Variants in HEATR5B observed in about 807,000 individuals in gnomAD.
HEATR5B encodes HEAT repeat containing 5B, also known as HEAT repeat-containing protein 5B.
A neutral mutation model predicts 224.1 loss-of-function variants in HEATR5B; 156 were observed. The ratio of observed to expected loss-of-function variants is 0.70; its 90% confidence interval spans 0.61 to 0.80. The LOEUF (loss-of-function observed/expected upper bound fraction) is 0.80, where lower values mean the gene tolerates loss of function less well. Ranked by LOEUF, HEATR5B falls within the 30% of genes least tolerant of loss-of-function variation. The pLI is 0.00. For missense variants in HEATR5B, 2,323 were observed against 2,535.5 expected, an observed-to-expected ratio of 0.92 and a Z score of 1.80; for synonymous variants, 1,027 against 893.0, an observed-to-expected ratio of 1.15 and a Z score of -2.68.
chr2:37,048,463 G>A (rs1670338819), intron 18 of HEATR5B, among the ~76,000 whole-genome samples: 1 of 151,778 alleles, frequency 6.6e-6, no homozygotes, highest in South Asian at 2.1e-4. Context: ...GGGATTATAG[G>A]CAAAAGATAA....
At chr2:37,048,700 A>T (rs1670352043) in intron 18 of HEATR5B, among the ~76,000 whole-genome samples, 2 of 152,210 alleles carry the variant, frequency 1.3e-5, no homozygotes, top group African/African-American at 4.8e-5. Flanking sequence ...ATCTATTGCT[A>T]GAAAATAGCA....
intron 22 of HEATR5B, among the ~76,000 whole-genome samples, chr2:37,030,158 G>A (rs1338950763): frequency 6.6e-6 from 1 of 152,012 alleles, no homozygotes; most frequent in Non-Finnish European, 1.5e-5. Context: ...AACCCTGAAG[G>A]GAGTAAGACA....
intron 2 of HEATR5B, among the ~76,000 whole-genome samples, chr2:37,081,224 T>C (rs76849924): frequency 0.011 from 1,714 of 152,276 alleles, 26 homozygotes; most frequent in African/African-American, 0.039. Flanking sequence ...AATCCATGCA[T>C]TGTTTTTTTT....
rs1164142473 is a variant in HEATR5B, at chr2:37,075,595, C to G, written c.487G>C (p.Val163Leu). The G allele has an allele frequency of 6.2e-7, 1 of 1,613,760 alleles. No individual in the cohort carries two copies. The highest frequency in any genetic ancestry group is 1.7e-5 in the Admixed American group (1 of 59,986). The change falls in exon 5 of 36, where the codon GTT (valine) becomes CTT (leucine). Residue 163 changes from valine to leucine, a missense_variant. Coordinates refer to ENST00000233099, the MANE Select transcript of HEATR5B (RefSeq NM_019024.3). ...RSEILMSLQK[V>L]LSGLGGAAAS... ...GCTGCACCACCCAGTCCACTTAGAACTTTCTGTAGACTCATTAAGATTTCA... is the reference window on the plus strand; with the variant it reads ...GCTGCACCACCCAGTCCACTTAGAAGTTTCTGTAGACTCATTAAGATTTCA...
rs751253602 is a variant in HEATR5B at position 37,005,708 on chromosome 2, T to C, written c.4829A>G (p.His1610Arg). The change falls in exon 30 of 36, where the codon CAT (histidine) becomes CGT (arginine). Residue 1610 changes from histidine to arginine, a missense_variant. Physicochemically the swap from His to Arg is conservative, Grantham distance 29. This residue lies in a region of HEATR5B where 844 missense variants were observed against 812.9 expected (regional missense o/e 1.04). Coordinates refer to ENST00000233099, the MANE Select transcript of HEATR5B (RefSeq NM_019024.3). Reference sequence around the variant, plus strand: ...TAAGGCCTGCAGGCATGCTGTAACATGTTCAATGGGCTCCTCAGGTCTAGG... The same window carrying C: ...TAAGGCCTGCAGGCATGCTGTAACACGTTCAATGGGCTCCTCAGGTCTAGG... The part of the protein sequence containing the change: ...CSPRPEEPIE[H>R]VTACLQALHT... The C allele has an allele frequency of 2.5e-6, 4 of 1,611,414 alleles. No individual in the cohort carries two copies. In the Admixed American group the frequency reaches 5.0e-5, roughly 20 times the overall value.
chr2:37,002,640 T>G (rs1667167935), intron 31 of HEATR5B, 68 bp from the exon 32 acceptor site: 1 of 1,492,176 alleles, frequency 6.7e-7, no homozygotes, highest in South Asian at 1.2e-5. Context: ...ACAAGTATAT[T>G]TAGGAAATTC....
intron 21 of HEATR5B, among the ~76,000 whole-genome samples, chr2:37,035,720 A>G (rs1180216423): frequency 6.6e-6 from 1 of 152,134 alleles, no homozygotes; most frequent in Non-Finnish European, 1.5e-5. Flanking sequence ...GGGTTCCTCA[A>G]TCATGACTCT....
chr2:37,083,218 G>A (rs1016647831), intron 2 of HEATR5B, 71 bp downstream of exon 2: 2 of 1,558,882 alleles, frequency 1.3e-6, no homozygotes, highest in African/African-American at 1.4e-5. Context: ...CATAACATGT[G>A]TTTTCTTAAG....
rs144061449 is a variant in HEATR5B at position 37,020,730 on chromosome 2, G to C, written c.3960C>G (p.Asp1320Glu). The change falls in exon 25 of 36, where the codon GAC becomes GAG. Residue 1320 changes from aspartate (D) to glutamate (E), a missense_variant. By Grantham distance (45) the Asp-to-Glu change is conservative. Transcript: ENST00000233099. ...GCACAGACGCAAACTTCTTGATAAT[G>C]TCTTCAAGCGCCTGGAGCCCAGCCA... ...LRMAGLQALE[D>E]IIKKFASVPE... 6.2e-6 allele frequency: 10 copies of C among 1,609,534 alleles called. No homozygotes were observed. In the African/African-American group the frequency reaches 1.3e-4, roughly 22 times the overall value.
At chr2:37,076,442 A>C (rs1672236289) in intron 4 of HEATR5B, among the ~76,000 whole-genome samples, 1 of 152,226 alleles carries the variant, frequency 6.6e-6, no homozygotes, top group African/African-American at 2.4e-5. Context: ...GGAAGATCAA[A>C]GATTTCCAGC....
In HEATR5B at chr2:37,002,393, T is replaced by A. The variant is rs757793625; in HGVS notation, c.5230A>T (p.Lys1744Ter). ...VSDSPSHIAT[K>*]TRLSEESARL... is the part of the protein sequence containing the mutation. ...GCACTTTCTTCTGATAGTCGAGTTT[T>A]AGTGGCTATGTGACTTGGAGAGTCT... The change falls in exon 32 of 36, where the codon AAA (lysine) becomes TAA (stop). Residue 1744 changes from lysine to a stop codon, truncating the protein, a stop_gained. Transcript: ENST00000233099. LOFTEE classifies it high-confidence loss of function. 1.1e-5 allele frequency: 17 copies of A among 1,614,224 alleles called. No homozygotes were observed. Among genetic ancestry groups the A allele is most frequent in the Non-Finnish European group, 1.4e-5 (17 of 1,180,046 alleles).
rs781266704 is a variant in HEATR5B, at chr2:37,060,598, C to T, written c.1832G>A (p.Arg611His). The T allele has an allele frequency of 3.1e-6, 5 of 1,613,552 alleles. No individual in the cohort carries two copies. The highest frequency in any genetic ancestry group is 2.2e-5 in the South Asian group (2 of 91,042). ...GTTCTTACCACATAGAGCTCCAGCA[C>T]GACCTTCCAAAGTTACCTGCCAGGT... is the stretch of plus-strand genomic sequence containing the variant. ...SFTWQVTLEG[R>H]AGALCAMRSF... Residue 611 changes from arginine to histidine, a missense_variant, in exon 12 of 36, where the codon CGT becomes CAT. Transcript: ENST00000233099.
Position 37,003,594 on chromosome 2 carries a change from T to C in HEATR5B, c.4998A>G (p.Gln1666=), listed in dbSNP as rs1667229923. 1 of 1,612,544 alleles carries C rather than the reference T, an allele frequency of 6.2e-7. No homozygotes were observed. The highest frequency in any genetic ancestry group is 8.5e-7 in the Non-Finnish European group (1 of 1,178,714). ...SVQLLVTGVV[Q]QIVRAAQDYL... ...AATCCTGAGCAGCTCTTACTATCTG[T>C]TGTACAACTCCAGTAACCAACAGCT... The change falls in exon 31 of 36, where the codon CAA becomes CAG. Residue 1666 remains glutamine, a synonymous_variant. Coordinates refer to ENST00000233099, the MANE Select transcript of HEATR5B (RefSeq NM_019024.3).
chr2:36,984,122 C>T (rs1665767342), intron 35 of HEATR5B, among the ~76,000 whole-genome samples: 1 of 144,428 alleles, frequency 6.9e-6, no homozygotes, highest in Non-Finnish European at 1.5e-5. Flanking sequence ...ATCACTTGAA[C>T]TCGGGAGGCG....
chr2:37,058,706 A>G lies in HEATR5B; in HGVS notation c.1950-146T>C, dbSNP rs893143220. 1.4e-5 allele frequency: 10 copies of G among 696,872 alleles called. No homozygotes were observed. The East Asian group carries it at 2.7e-4, about 19-fold the overall frequency. The allele number at this position is 696,872 out of a possible 1,614,324, so 43.2% of individuals were successfully genotyped here. ...CTTATGTTGTGATCTTTGCTGTAAC[A>G]AAAACACTTTAAGATACAACTGTAT... On this transcript the variant is annotated intron_variant, in intron 13 of 35. Transcript: ENST00000233099.
At chr2:37,072,779 T>C (rs1671984818) in intron 5 of HEATR5B, among the ~76,000 whole-genome samples, 1 of 149,874 alleles carries the variant, frequency 6.7e-6, no homozygotes, top group Non-Finnish European at 1.5e-5. Flanking sequence ...AAATACAAAG[T>C]ACCAAAATCA....
intron 33 of HEATR5B, among the ~76,000 whole-genome samples, chr2:36,999,846 T>TA (rs1666973144): frequency 6.6e-6 from 1 of 151,466 alleles, no homozygotes; most frequent in African/African-American, 2.4e-5. Context: ...ACCACGTCTT[T>TA]ATTAAAAACG....
Position 36,981,627 on chromosome 2 carries a change from C to G in HEATR5B, c.6079G>C (p.Ala2027Pro). ...YPHAFKTVMG[A>P]APELKVRLET... ...AGACGCACTTTCAACTCAGGAGCAG[C>G]CCCCATTACTGTCTTGAAAGCATGT... Residue 2027 changes from alanine to proline, a missense_variant, in exon 36 of 36, where the codon GCT (alanine) becomes CCT (proline). Physicochemically the swap from Ala to Pro is conservative, Grantham distance 27 (BLOSUM62 -1). Coordinates refer to ENST00000233099, the MANE Select transcript of HEATR5B (RefSeq NM_019024.3). The G allele has an allele frequency of 6.2e-7, 1 of 1,614,152 alleles. No individual in the cohort carries two copies. The highest frequency in any genetic ancestry group is 8.5e-7 in the Non-Finnish European group (1 of 1,180,020).
Position 36,988,752 on chromosome 2 carries a change from T to C in HEATR5B, c.5805A>G (p.Leu1935=), listed in dbSNP as rs1403533857. 3 of 1,614,050 alleles carry C rather than the reference T, an allele frequency of 1.9e-6. No individual in the cohort carries two copies. Among genetic ancestry groups the C allele is most frequent in the African/African-American group, 2.7e-5 (2 of 74,938 alleles). ...CTGGTCTGTTTCTTTCAACAGCTTT[T>C]AGCTTTTCAACCACTATTGGAGCTA... ...HSLAPIVVEK[L]KAVERNRPAS... The change falls in exon 35 of 36, where the codon CTA becomes CTG. Residue 1935 remains leucine, a synonymous_variant. Coordinates refer to ENST00000233099, the MANE Select transcript of HEATR5B (RefSeq NM_019024.3).
Sources: gnomAD v4.1 joint callset for allele counts (sites outside exome capture counted in the v4.1 genomes callset) on GRCh38, gnomAD v4.1.1 for gene constraint, gnomAD v4.1.1 regional missense constraint, MANE v1.5 for transcripts, NCBI Gene and HGNC (gene_info 2026-07-23, HGNC 2026-07-21) for gene names.